The following HECW1 variants were observed in gnomAD, a reference collection of about 807,000 sequenced individuals.
HECW1 encodes HECT, C2 and WW domain containing E3 ubiquitin protein ligase 1.
A neutral mutation model predicts 182.3 loss-of-function variants in HECW1; 61 were observed. The ratio of observed to expected loss-of-function variants is 0.33; its 90% CI spans 0.27 to 0.41. HECW1 has a LOEUF of 0.41. Among genes scored for constraint, HECW1 ranks in the 10% least tolerant of loss-of-function variants. The pLI is 1.00. For missense variants in HECW1, 1,739 were observed against 2,108.9 expected (o/e 0.82, Z 3.44); for synonymous variants, 859 against 832.6 (o/e 1.03, Z -0.55).
chr7:43,119,063 G>T (rs1319064477), intron 2 of HECW1: 1 of 152,242 alleles, frequency 6.6e-6, no homozygotes, highest in Non-Finnish European at 1.5e-5. Context: ...GAACATATAT[G>T]AAATATATGA....
chr7:43,486,155 A>C (rs1296978101), intron 17 of HECW1, among the ~76,000 whole-genome samples: 1 of 152,108 alleles, frequency 6.6e-6, no homozygotes, highest in Non-Finnish European at 1.5e-5. Flanking sequence ...GATGGTTTCC[A>C]GTTTCATCCA....
intron 29 of HECW1, among the ~76,000 whole-genome samples, chr7:43,555,614 C>T (rs1251407976): frequency 1.3e-5 from 2 of 152,250 alleles, no homozygotes; most frequent in Non-Finnish European, 1.5e-5. Flanking sequence ...AATACCTTTG[C>T]TAAATCCTTA....
chr7:43,179,866 G>A (rs1012933891), intron 2 of HECW1, among the ~76,000 whole-genome samples: 1 of 151,942 alleles, frequency 6.6e-6, no homozygotes, highest in African/African-American at 2.4e-5. Flanking sequence ...CATGTAAATC[G>A]ACCCTGAAAG....
At chr7:43,213,922 T>C (rs1405094622) in intron 2 of HECW1, among the ~76,000 whole-genome samples, 1 of 152,122 alleles carries the variant, frequency 6.6e-6, no homozygotes, top group Non-Finnish European at 1.5e-5. Flanking sequence ...ATAAAGTTTC[T>C]ATGTGATCAA....
intron 16 of HECW1, among the ~76,000 whole-genome samples, chr7:43,477,882 T>C (rs1156892296): frequency 9.2e-5 from 14 of 152,240 alleles, no homozygotes; most frequent in Non-Finnish European, 1.9e-4. Context: ...TTTTGTCAGG[T>C]AAACCTAAAA....
At chr7:43,234,375 A>G (rs1270560317) in intron 2 of HECW1, among the ~76,000 whole-genome samples, 3 of 152,182 alleles carry the variant, frequency 2.0e-5, no homozygotes, top group Non-Finnish European at 4.4e-5. Context: ...TGAACACCAG[A>G]GTCCTTCCAG....
intron 2 of HECW1, among the ~76,000 whole-genome samples, chr7:43,220,648 T>C (rs1271328101): frequency 6.6e-6 from 1 of 152,194 alleles, no homozygotes; most frequent in Admixed American, 6.5e-5. Context: ...CTCCCAGGAA[T>C]TGGAAACAAA....
chr7:43,126,335 C>A (rs547304063), intron 2 of HECW1, among the ~76,000 whole-genome samples: 1 of 152,162 alleles, frequency 6.6e-6, no homozygotes, highest in East Asian at 1.9e-4. Context: ...TAAAATATAA[C>A]ACATATATAT....
intron 29 of HECW1, among the ~76,000 whole-genome samples, chr7:43,557,035 A>T (rs139923759): frequency 0.013 from 2,005 of 152,200 alleles, 19 homozygotes; most frequent in Middle Eastern, 0.034. Context: ...TAACTCCCTG[A>T]ATAGTGACCC....
chr7:43,504,888 T>C (rs1224113049), intron 21 of HECW1, among the ~76,000 whole-genome samples: 8 of 152,096 alleles, frequency 5.3e-5, no homozygotes, highest in Non-Finnish European at 2.9e-5. Context: ...TCTCTGGAGG[T>C]CACGAAAGGA....
chr7:43,273,856 TC>T lies in HECW1; in HGVS notation c.27+29925del, dbSNP rs1468390222. On this transcript the variant is annotated intron_variant, in intron 3 of 29. Transcript: ENST00000395891. ...TATGACAGAAGTTGTAAAATATGAT[TC>T]TTTTTTTTTTTTTTGAGATGGAGTC... Among the ~76,000 whole-genome samples, 1,211 of 145,698 alleles carry T rather than the reference TC, an allele frequency of 8.3e-3. 9 individuals carry two copies. Among genetic ancestry groups the T allele is most frequent in the African/African-American group, 0.031 (1,170 of 37,262 alleles).
intron 2 of HECW1, among the ~76,000 whole-genome samples, chr7:43,196,651 G>T (rs957204062): frequency 6.6e-6 from 1 of 152,218 alleles, no homozygotes; most frequent in Admixed American, 6.5e-5. Flanking sequence ...ACCTGAGCGG[G>T]AGATGGGCCG....
At chr7:43,130,172 A>G (rs1443769538) in intron 2 of HECW1, among the ~76,000 whole-genome samples, 1 of 152,166 alleles carries the variant, frequency 6.6e-6, no homozygotes, top group East Asian at 1.9e-4. Context: ...TATTAGATGC[A>G]TTTTCTTCTC....
In HECW1 at chr7:43,445,191, T is replaced by C; in HGVS notation, c.2019T>C (p.Cys673=). The C allele has an allele frequency of 6.2e-7, 1 of 1,612,584 alleles. No individual in the cohort carries two copies. The highest frequency in any genetic ancestry group is 8.5e-7 in the Non-Finnish European group (1 of 1,179,404). ...RQGGDHSCEG[C]DASCCSPSCY... Reference sequence around the variant, plus strand: ...GCGGGGACCACAGTTGCGAGGGCTGTGACGCGTCCTGCTGCAGCCCCTCGT... The same window carrying C: ...GCGGGGACCACAGTTGCGAGGGCTGCGACGCGTCCTGCTGCAGCCCCTCGT... The change falls in exon 11 of 30, where the codon TGT becomes TGC. Residue 673 remains cysteine, a synonymous_variant. Transcript: ENST00000395891.
chr7:43,294,085 C>T (rs1805743627), intron 3 of HECW1, among the ~76,000 whole-genome samples: 1 of 152,184 alleles, frequency 6.6e-6, no homozygotes, highest in Admixed American at 6.5e-5. Context: ...AAATCGATCC[C>T]TCGTGCCAAA....
intron 11 of HECW1, among the ~76,000 whole-genome samples, chr7:43,446,759 T>C (rs145812651): frequency 1.6e-3 from 239 of 152,076 alleles, no homozygotes; most frequent in African/African-American, 5.2e-3. Flanking sequence ...AGGAAATTGG[T>C]AGAGAAAAAG....
chr7:43,334,810 A>G (rs572666999), intron 5 of HECW1, among the ~76,000 whole-genome samples: 1 of 152,336 alleles, frequency 6.6e-6, no homozygotes, highest in Admixed American at 6.5e-5. Context: ...CTTTGGGGAA[A>G]ATACAGTTAC....
At position 43,479,685 on chromosome 7, in the gene HECW1, C is replaced by G. The variant is rs368011857; in HGVS notation, c.3175C>G (p.Pro1059Ala). ...PRIPLQNGRL[P>A]NHLTHRQHLQ... is the part of the protein sequence containing the mutation. ...AATCCCTCTTCAGAACGGTCGTCTT[C>G]CCAATCATCTAACTCACCGACAGCA... Residue 1059 changes from proline to alanine, a missense_variant, in exon 17 of 30, where the codon CCC becomes GCC. Pro to Ala is a conservative substitution (Grantham distance 27, BLOSUM62 -1). Transcript: ENST00000395891. 6.8e-6 allele frequency: 11 copies of G among 1,614,098 alleles called. No homozygotes were observed. Among genetic ancestry groups the G allele is most frequent in the African/African-American group, 1.3e-5 (1 of 75,004 alleles).
chr7:43,368,185 C>T (rs1050554949), intron 6 of HECW1, among the ~76,000 whole-genome samples: 4 of 152,102 alleles, frequency 2.6e-5, no homozygotes, highest in Admixed American at 6.6e-5. Context: ...AAGTGTGTAG[C>T]GGGGAGACAG....
Sources: gnomAD v4.1 joint callset for allele counts (sites outside exome capture counted in the v4.1 genomes callset) on GRCh38, gnomAD v4.1.1 for gene constraint, MANE v1.5 for transcripts, NCBI Gene and HGNC (gene_info 2026-07-23, HGNC 2026-07-21) for gene names.